Variants in HPSE2 observed in about 807,000 individuals in gnomAD.
HPSE2 encodes the protein inactive heparanase-2.
Under a neutral mutation model 60.5 loss-of-function variants are expected in HPSE2, and 38 were observed. That is an observed-to-expected ratio of 0.63 (90% CI 0.48 to 0.82). The LOEUF (loss-of-function observed/expected upper bound fraction) is 0.82, where lower values mean the gene tolerates loss of function less well. HPSE2 is among the 40% of genes least tolerant of loss of function. The probability of loss-of-function intolerance (pLI) is 0.00; values close to 1 mark genes in which losing one functional copy is unlikely to be tolerated. For missense variants in HPSE2, 713 were observed against 740.4 expected (o/e 0.96, Z 0.43); for synonymous variants, 295 against 293.2 (o/e 1.01, Z -0.06).
chr10:98,822,082 C>A (rs10786474), intron 3 of HPSE2, among the ~76,000 whole-genome samples: 5,745 of 152,162 alleles, frequency 0.038, 233 homozygotes, highest in East Asian at 0.17. Flanking sequence ...AAACCTTACT[C>A]AAAATGACAT....
rs990163508 is a variant in HPSE2, at chr10:98,469,253, G to A, written c.1614-9514C>T. ...CTGATATTGTTAACTCCCAGCAGAT[G>A]AGGGAATCATCTGGGGGAAGTTTGG... On this transcript the variant is annotated intron_variant, in intron 11 of 11. Transcript: ENST00000370552. Among the ~76,000 whole-genome samples, 3 of 152,286 alleles carry A rather than the reference G, an allele frequency of 2.0e-5. No homozygotes were observed. In the South Asian group the frequency reaches 6.2e-4, roughly 32 times the overall value.
intron 3 of HPSE2, among the ~76,000 whole-genome samples, chr10:99,053,133 CA>C (rs960768707): frequency 2.2e-4 from 33 of 150,912 alleles, no homozygotes; most frequent in African/African-American, 7.8e-4. Flanking sequence ...ATTTTTACCA[CA>C]ATAAAAATTG....
intron 3 of HPSE2, among the ~76,000 whole-genome samples, chr10:98,969,101 T>C (rs181696199): frequency 7.2e-5 from 11 of 152,324 alleles, no homozygotes; most frequent in Admixed American, 7.2e-4. Flanking sequence ...TCACTTTACA[T>C]TACTAGATAA....
chr10:99,159,259 T>C (rs956975278), intron 2 of HPSE2, among the ~76,000 whole-genome samples: 1 of 152,092 alleles, frequency 6.6e-6, no homozygotes, highest in Non-Finnish European at 1.5e-5. Context: ...AACCTTGAGC[T>C]AGGATGACAA....
chr10:98,678,567 T>A (rs775620894), intron 6 of HPSE2, among the ~76,000 whole-genome samples: 80 of 152,058 alleles, frequency 5.3e-4, no homozygotes, highest in Non-Finnish European at 1.0e-3. Flanking sequence ...GTCAGGTGGC[T>A]CCAGGGCAGT....
intron 9 of HPSE2, among the ~76,000 whole-genome samples, chr10:98,504,745 G>A (rs1387418235): frequency 3.5e-5 from 5 of 144,218 alleles, no homozygotes; most frequent in South Asian, 2.3e-4. Flanking sequence ...AGCTGAGATC[G>A]CACCACTGCA....
Position 98,663,901 on chromosome 10 carries a change from C to T in HPSE2, c.1005-21961G>A, listed in dbSNP as rs1451533771. Among the ~76,000 whole-genome samples the T allele has an allele frequency of 3.9e-5, 6 of 152,222 alleles. No individual in the cohort carries two copies. The East Asian group carries it at 5.8e-4, about 15-fold the overall frequency. ...CCATTCCTCTTTGTCAGACAAAGCT[C>T]GGCTCCCACTTCCAGCACGGTGACC... On this transcript the variant is annotated intron_variant, in intron 6 of 11. Transcript: ENST00000370552.
intron 3 of HPSE2, among the ~76,000 whole-genome samples, chr10:99,007,158 C>T (rs558842603): frequency 6.6e-6 from 1 of 152,276 alleles, no homozygotes; most frequent in Non-Finnish European, 1.5e-5. Flanking sequence ...GCACATAGAA[C>T]AAGTCCTCCG....
intron 3 of HPSE2, among the ~76,000 whole-genome samples, chr10:98,900,412 G>C (rs1011145059): frequency 2.0e-5 from 3 of 152,184 alleles, no homozygotes; most frequent in Admixed American, 1.3e-4. Flanking sequence ...CTGGGACAAA[G>C]TGGAGGAAGG....
At position 99,171,588 on chromosome 10, in the gene HPSE2, C is replaced by T. The variant is rs553174067; in HGVS notation, c.449-27189G>A. ...AGAAAATTAGTTAGAATTGACTACA[C>T]CAAAGCAGCATTCATGAGTGCCAAT... On this transcript the variant is annotated intron_variant, in intron 2 of 11. Coordinates refer to ENST00000370552, the MANE Select transcript of HPSE2 (RefSeq NM_021828.5). Among the ~76,000 whole-genome samples the T allele has an allele frequency of 2.6e-5, 4 of 152,258 alleles. No individual in the cohort carries two copies. The South Asian group carries it at 8.3e-4, about 32-fold the overall frequency.
chr10:99,131,700 G>A (rs1179784593), intron 3 of HPSE2, among the ~76,000 whole-genome samples: 1 of 152,162 alleles, frequency 6.6e-6, no homozygotes, highest in African/African-American at 2.4e-5. Context: ...TTATGAGGAT[G>A]CAAAGGCATA....
At chr10:98,471,583 A>G (rs1459857757) in intron 11 of HPSE2, among the ~76,000 whole-genome samples, 10 of 151,996 alleles carry the variant, frequency 6.6e-5, no homozygotes, top group Admixed American at 6.6e-4. Context: ...TCCAAAGACA[A>G]GTTTTTTGCT....
In HPSE2 at chr10:98,747,973, T is replaced by C. The variant is rs114049685; in HGVS notation, c.611-3917A>G. ...TTGCATAAAAGTGGCCTATAAGAAG[T>C]AGAAAGAGGCAAAAGAGAGATCTGT... On this transcript the variant is annotated intron_variant, in intron 3 of 11. Coordinates refer to ENST00000370552, the MANE Select transcript of HPSE2 (RefSeq NM_021828.5). Among the ~76,000 whole-genome samples the C allele has an allele frequency of 8.5e-4, 129 of 152,220 alleles. 1 individual carries two copies. Among genetic ancestry groups the C allele is most frequent in the African/African-American group, 3.0e-3 (125 of 41,554 alleles).
At chr10:99,110,061 C>G (rs1391875672) in intron 3 of HPSE2, among the ~76,000 whole-genome samples, 1 of 152,126 alleles carries the variant, frequency 6.6e-6, no homozygotes, top group Non-Finnish European at 1.5e-5. Flanking sequence ...TCTTAAACAT[C>G]ATAAAGAGAA....
intron 3 of HPSE2, among the ~76,000 whole-genome samples, chr10:98,934,954 C>T (rs1954748777): frequency 7.0e-6 from 1 of 143,030 alleles, no homozygotes; most frequent in Non-Finnish European, 1.5e-5. Flanking sequence ...TACACAGTCC[C>T]ATAATTCTCA....
chr10:98,697,623 A>G (rs1487216971), intron 5 of HPSE2, among the ~76,000 whole-genome samples: 1 of 152,220 alleles, frequency 6.6e-6, no homozygotes. Context: ...ACCTAGCAAG[A>G]TAGGCCAACA....
upstream of HPSE2, among the ~76,000 whole-genome samples, chr10:99,236,411 G>C (rs1849857172): frequency 6.6e-6 from 1 of 152,018 alleles, no homozygotes; most frequent in African/African-American, 2.4e-5. Context: ...AGTTCCCACC[G>C]ACAGCACGCT....
chr10:98,578,409 T>C (rs1319857751), intron 9 of HPSE2, among the ~76,000 whole-genome samples: 2 of 152,198 alleles, frequency 1.3e-5, no homozygotes, highest in Non-Finnish European at 2.9e-5. Flanking sequence ...CTAAATCGAA[T>C]GCTTCAATCT....
At chr10:99,092,981 A>G (rs771584636) in intron 3 of HPSE2, among the ~76,000 whole-genome samples, 1 of 152,210 alleles carries the variant, frequency 6.6e-6, no homozygotes, top group Non-Finnish European at 1.5e-5. Flanking sequence ...CTATAATCAC[A>G]GCACTTTGGA....
Sources: allele counts gnomAD v4.1 joint callset (sites outside exome capture counted in the v4.1 genomes callset), GRCh38; gene constraint gnomAD v4.1.1; transcripts MANE v1.5; gene names NCBI Gene and HGNC (gene_info 2026-07-23, HGNC 2026-07-21).